The following PDSS2 variants were observed in gnomAD, a reference collection of about 807,000 sequenced individuals.
The protein encoded by PDSS2 is all trans-polyprenyl-diphosphate synthase PDSS2.
PDSS2 carries 31 observed loss-of-function variants against 44.5 expected under a neutral mutation model. The observed-to-expected ratio is 0.70, with a 90% confidence interval of 0.52 to 0.94. The LOEUF (loss-of-function observed/expected upper bound fraction) is 0.94. Among genes scored for constraint, PDSS2 ranks in the 40% least tolerant of loss-of-function variants. The probability of loss-of-function intolerance (pLI) is 0.00; values close to 1 mark genes in which losing one functional copy is unlikely to be tolerated. For missense variants in PDSS2, 452 were observed against 482.2 expected (o/e 0.94, Z 0.59); for synonymous variants, 157 against 180.3 (o/e 0.87, Z 1.03).
chr6:107,341,977 T>C (rs150682307), intron 1 of PDSS2, among the ~76,000 whole-genome samples: 3 of 152,140 alleles, frequency 2.0e-5, no homozygotes, highest in African/African-American at 7.2e-5. Context: ...AAAAGTTCAA[T>C]AATTACTACT....
chr6:107,340,942 G>A (rs1304110453), intron 1 of PDSS2, among the ~76,000 whole-genome samples: 1 of 152,298 alleles, frequency 6.6e-6, no homozygotes, highest in East Asian at 1.9e-4. Flanking sequence ...GGCCTTGAAA[G>A]TCAGGTTTAG....
intron 1 of PDSS2, among the ~76,000 whole-genome samples, chr6:107,347,028 G>A (rs1445795238): frequency 6.6e-6 from 1 of 152,062 alleles, no homozygotes. Context: ...ACGGAGGCTG[G>A]GAAAAGTCTG....
chr6:107,362,993 A>T (rs1778828768), intron 1 of PDSS2, among the ~76,000 whole-genome samples: 1 of 152,212 alleles, frequency 6.6e-6, no homozygotes, highest in Non-Finnish European at 1.5e-5. Flanking sequence ...AACATAGGGG[A>T]AAAAACTGAA....
intron 1 of PDSS2, among the ~76,000 whole-genome samples, chr6:107,389,127 A>G (rs573906085): frequency 6.6e-6 from 1 of 152,316 alleles, no homozygotes; most frequent in East Asian, 1.9e-4. Context: ...GGGTGATGGA[A>G]CTATTTTGTA....
chr6:107,441,565 C>G (rs900742994), intron 1 of PDSS2, among the ~76,000 whole-genome samples: 1 of 152,182 alleles, frequency 6.6e-6, no homozygotes, highest in Non-Finnish European at 1.5e-5. Flanking sequence ...AGACTGAACA[C>G]AACTCAGAGG....
At chr6:107,305,076 TAA>T (rs1035104236) in intron 2 of PDSS2, among the ~76,000 whole-genome samples, 15 of 151,966 alleles carry the variant, frequency 9.9e-5, no homozygotes, top group African/African-American at 3.4e-4. Flanking sequence ...CTGAATAACT[TAA>T]AGTCTCATAG....
chr6:107,289,951 T>A (rs958037940), intron 2 of PDSS2, among the ~76,000 whole-genome samples: 1 of 152,110 alleles, frequency 6.6e-6, no homozygotes, highest in African/African-American at 2.4e-5. Flanking sequence ...TGGCTAATTT[T>A]TTTTTAAAAA....
Position 107,261,008 on chromosome 6 carries a change from G to A in PDSS2, c.630+13021C>T, listed in dbSNP as rs17068095. Among the ~76,000 whole-genome samples the A allele has an allele frequency of 0.013, 2,035 of 151,914 alleles. 125 individuals are homozygous for A. In the East Asian group the frequency reaches 0.2, roughly 15 times the overall value. ...TTTGCTAGATCTCCAAAGCCAGAGC[G>A]AGAAAAAAAATCTATTTTCAAGTTT... is the stretch of plus-strand genomic sequence containing the variant. On this transcript the variant is annotated intron_variant, in intron 3 of 7. Coordinates refer to ENST00000369037, the MANE Select transcript of PDSS2 (RefSeq NM_020381.4).
chr6:107,459,362 A>C lies in PDSS2; in HGVS notation c.-77T>G. 8.4e-7 allele frequency: 1 copy of C among 1,188,244 alleles called. No homozygotes were observed. The highest frequency in any genetic ancestry group is 1.2e-6 in the Non-Finnish European group (1 of 809,972). The allele number at this position is 1,188,244 out of a possible 1,614,324, so 73.6% of individuals were successfully genotyped here. On this transcript the variant is annotated 5_prime_UTR_variant, in exon 1 of 8. Transcript: ENST00000369037. This position sits in a 1 kb window ranked among gnomAD's most constrained non-coding sequence, Gnocchi z 4.3. ...GAAACAAACCAGGGGCAGAGGAGGA[A>C]CTTACAGTAACTAAAAGGAAGCGGC... is the stretch of plus-strand genomic sequence containing the variant.
At chr6:107,299,346 T>C (rs1047053502) in intron 2 of PDSS2, among the ~76,000 whole-genome samples, 1 of 152,070 alleles carries the variant, frequency 6.6e-6, no homozygotes, top group East Asian at 1.9e-4. Flanking sequence ...GGCATCTCAC[T>C]ATCTTTATTT....
intron 6 of PDSS2, among the ~76,000 whole-genome samples, chr6:107,209,974 T>TC (rs1562377143): frequency 6.6e-6 from 1 of 151,806 alleles, no homozygotes; most frequent in Non-Finnish European, 1.5e-5. Context: ...CCATGCTTTT[T>TC]TCCCCCCCGC....
chr6:107,421,339 G>A (rs189594309), intron 1 of PDSS2, among the ~76,000 whole-genome samples: 14 of 152,134 alleles, frequency 9.2e-5, no homozygotes, highest in African/African-American at 3.4e-4. Flanking sequence ...ACACTCCCAA[G>A]CTTTTATCTT....
At chr6:107,226,668 ATTTT>A (rs61088823) in intron 4 of PDSS2, among the ~76,000 whole-genome samples, 2 of 132,228 alleles carry the variant, frequency 1.5e-5, no homozygotes, top group East Asian at 2.2e-4. Context: ...GGATTTTGGA[ATTTT>A]TTTTTTTTTT....
At chr6:107,183,905 G>C (rs1772074262) in intron 7 of PDSS2, among the ~76,000 whole-genome samples, 1 of 142,758 alleles carries the variant, frequency 7.0e-6, no homozygotes, top group East Asian at 2.2e-4. Context: ...AAAAAAAAAA[G>C]AGAGAATCAC....
At chr6:107,419,250 C>G (rs1165365384) in intron 1 of PDSS2, among the ~76,000 whole-genome samples, 1 of 152,102 alleles carries the variant, frequency 6.6e-6, no homozygotes, top group Non-Finnish European at 1.5e-5. Flanking sequence ...ACATTTGTCT[C>G]AAAAATGCTA....
chr6:107,416,662 C>T (rs1297952397), intron 1 of PDSS2, among the ~76,000 whole-genome samples: 1 of 152,114 alleles, frequency 6.6e-6, no homozygotes, highest in Non-Finnish European at 1.5e-5. Flanking sequence ...AAAACTGTTT[C>T]CAATTTTGAT....
intron 1 of PDSS2, among the ~76,000 whole-genome samples, chr6:107,342,065 G>A (rs1196972195): frequency 6.6e-6 from 1 of 151,900 alleles, no homozygotes; most frequent in East Asian, 1.9e-4. Flanking sequence ...CTTATGCTTT[G>A]AGGCCTTGGT....
At chr6:107,295,226 G>A (rs1363089417) in intron 2 of PDSS2, among the ~76,000 whole-genome samples, 6 of 152,144 alleles carry the variant, frequency 3.9e-5, no homozygotes, top group Admixed American at 6.5e-5. Flanking sequence ...GAGCCACCGC[G>A]CCCGGCCAGT....
At chr6:107,421,938 T>C (rs1271073877) in intron 1 of PDSS2, among the ~76,000 whole-genome samples, 1 of 151,800 alleles carries the variant, frequency 6.6e-6, no homozygotes, top group Non-Finnish European at 1.5e-5. Context: ...TGTTCTATAC[T>C]TATGCAAGAT....
Sources: gnomAD v4.1 joint callset for allele counts (sites outside exome capture counted in the v4.1 genomes callset) on GRCh38, gnomAD v4.1.1 for gene constraint, Gnocchi (gnomAD v3.1) non-coding constraint, MANE v1.5 for transcripts, NCBI Gene and HGNC (gene_info 2026-07-23, HGNC 2026-07-21) for gene names.